Variants in TBC1D22A observed in about 807,000 individuals in gnomAD.
The protein encoded by TBC1D22A is TBC1 domain family member 22A.
Under a neutral mutation model 60.2 loss-of-function variants are expected in TBC1D22A, and 38 were observed. That is an observed-to-expected ratio of 0.63 (90% confidence interval 0.49 to 0.83). TBC1D22A has a LOEUF of 0.83. TBC1D22A is among the 40% of genes least tolerant of loss of function. The pLI is 0.00. For synonymous variants in TBC1D22A, 302 were observed against 281.7 expected, an observed-to-expected ratio of 1.07 and a Z score of -0.72; for missense variants, 628 against 701.0, an observed-to-expected ratio of 0.90 and a Z score of 1.18.
intron 1 of TBC1D22A, among the ~76,000 whole-genome samples, chr22:46,776,607 G>A (rs962006162): frequency 1.3e-5 from 2 of 152,020 alleles, no homozygotes; most frequent in African/African-American, 4.8e-5. Flanking sequence ...CAGAGACAGA[G>A]GCTCAGGTCA....
chr22:46,904,133 A>ATCTC (rs2069236703), intron 7 of TBC1D22A, among the ~76,000 whole-genome samples: 1 of 73,510 alleles, frequency 1.4e-5, no homozygotes, highest in African/African-American at 4.9e-5. Context: ...CTATCTATCT[A>ATCTC]TCTATCTATC....
At chr22:46,804,441 T>C (rs2085041493) in intron 4 of TBC1D22A, among the ~76,000 whole-genome samples, 1 of 152,234 alleles carries the variant, frequency 6.6e-6, no homozygotes, top group Non-Finnish European at 1.5e-5. Context: ...TCCCTCTTAA[T>C]CAGTTCTTAC....
intron 9 of TBC1D22A, among the ~76,000 whole-genome samples, chr22:46,994,212 G>T (rs2075043774): frequency 6.6e-6 from 1 of 152,152 alleles, no homozygotes; most frequent in South Asian, 2.1e-4. Context: ...CCAGATGGAG[G>T]CAAAGAATAA....
Position 47,016,922 on chromosome 22 carries a change from GCT to G in TBC1D22A, c.1201+19217_1201+19218del, listed in dbSNP as rs747665766. On this transcript the variant is annotated intron_variant, in intron 10 of 12. Coordinates refer to ENST00000337137, the MANE Select transcript of TBC1D22A (RefSeq NM_014346.5). ...TCTGGGGCCCGGCGAGCCTCCCACT[GCT>G]CTCAGGTTTGACGCACCTGTCCCAG... Among the ~76,000 whole-genome samples, 156 of 152,356 alleles carry G rather than the reference GCT, an allele frequency of 1.0e-3. 1 individual carries two copies. In the Middle Eastern group the frequency reaches 0.014, roughly 13 times the overall value.
At chr22:46,963,751 C>T (rs920648667) in intron 8 of TBC1D22A, among the ~76,000 whole-genome samples, 23 of 152,216 alleles carry the variant, frequency 1.5e-4, no homozygotes, top group Non-Finnish European at 2.9e-4. Flanking sequence ...GGCCGTGCAC[C>T]TCCCCTCCCG....
rs941033524 is a variant in TBC1D22A, at chr22:47,125,486, T to G, written c.1425+13883T>G. 5.9e-5 allele frequency among the ~76,000 whole-genome samples: 9 copies of G among 152,332 alleles called. 1 individual carries two copies. The highest frequency in any genetic ancestry group is 2.0e-4 in the Admixed American group (3 of 15,300). ...TAAATTATACCCCTCATTATGATAA[T>G]GCAGTAGAATTGGAAGGTTCAAATC... On this transcript the variant is annotated intron_variant, in intron 12 of 12. Coordinates refer to ENST00000337137, the MANE Select transcript of TBC1D22A (RefSeq NM_014346.5).
intron 4 of TBC1D22A, among the ~76,000 whole-genome samples, chr22:46,851,056 T>C (rs1361229730): frequency 1.3e-5 from 2 of 152,046 alleles, no homozygotes; most frequent in Non-Finnish European, 2.9e-5. Flanking sequence ...TATGGGGTGA[T>C]GGAAATGTCG....
At chr22:47,117,055 TGGGGAGCGAGGC>T (rs1479772946) in intron 12 of TBC1D22A, 2 of 153,488 alleles carry the variant, frequency 1.3e-5, no homozygotes, top group Non-Finnish European at 2.9e-5. Context: ...GGGAGCCAGT[TGGGGAGCGAGGC>T]AAAGAGAGGA....
intron 4 of TBC1D22A, among the ~76,000 whole-genome samples, chr22:46,846,468 A>T (rs1456142104): frequency 6.6e-6 from 1 of 152,202 alleles, no homozygotes; most frequent in Non-Finnish European, 1.5e-5. Flanking sequence ...CTTCTTTTCC[A>T]GAAGAGGGAA....
chr22:46,984,622 C>T (rs1053685856), intron 9 of TBC1D22A, among the ~76,000 whole-genome samples: 2 of 152,164 alleles, frequency 1.3e-5, no homozygotes, highest in African/African-American at 4.8e-5. Flanking sequence ...AGAAAAGAAC[C>T]ATTGCCTTTT....
intron 12 of TBC1D22A, among the ~76,000 whole-genome samples, chr22:47,124,160 C>T (rs981345329): frequency 6.6e-6 from 1 of 152,128 alleles, no homozygotes; most frequent in African/African-American, 2.4e-5. Flanking sequence ...CACGCCTGAG[C>T]TGAGCATTTG....
At chr22:46,983,442 A>C (rs1485083640) in intron 9 of TBC1D22A, among the ~76,000 whole-genome samples, 2 of 152,204 alleles carry the variant, frequency 1.3e-5, no homozygotes, top group African/African-American at 4.8e-5. Flanking sequence ...ATTTGGAGAA[A>C]TAATTTCTTT....
intron 12 of TBC1D22A, among the ~76,000 whole-genome samples, chr22:47,117,689 G>A (rs1383602375): frequency 1.3e-5 from 2 of 152,318 alleles, no homozygotes; most frequent in Middle Eastern, 3.4e-3. Context: ...CAGCTTCGTC[G>A]GAAACCTCCT....
intron 11 of TBC1D22A, among the ~76,000 whole-genome samples, chr22:47,058,440 C>T (rs996278241): frequency 5.9e-5 from 9 of 152,164 alleles, no homozygotes; most frequent in Admixed American, 5.2e-4. Context: ...GCCCCACCGT[C>T]CTTCCTCTTC....
At chr22:46,900,446 G>A (rs778170151) in intron 7 of TBC1D22A, among the ~76,000 whole-genome samples, 29 of 152,264 alleles carry the variant, frequency 1.9e-4, no homozygotes, top group Middle Eastern at 3.4e-3. Flanking sequence ...AACTGTGCCC[G>A]GCTTGACAGC....
chr22:47,062,603 C>T (rs131928), intron 11 of TBC1D22A, among the ~76,000 whole-genome samples: 40,265 of 151,846 alleles, frequency 0.27, 5,940 homozygotes, highest in East Asian at 0.57. Flanking sequence ...ATTCCTGTCA[C>T]GACATAAAAT....
At chr22:47,156,527 T>C (rs2067725969) in intron 12 of TBC1D22A, among the ~76,000 whole-genome samples, 1 of 152,106 alleles carries the variant, frequency 6.6e-6, no homozygotes, top group Admixed American at 6.5e-5. Flanking sequence ...GATCGATGCC[T>C]AGCTTGAGGC....
At chr22:46,992,673 C>T (rs1320354713) in intron 9 of TBC1D22A, among the ~76,000 whole-genome samples, 6 of 152,212 alleles carry the variant, frequency 3.9e-5, no homozygotes, top group Non-Finnish European at 7.3e-5. Flanking sequence ...GATGAAAGAA[C>T]TAGTATCTGA....
chr22:46,843,240 G>A (rs1045423063), intron 4 of TBC1D22A, among the ~76,000 whole-genome samples: 7 of 152,058 alleles, frequency 4.6e-5, no homozygotes, highest in African/African-American at 1.7e-4. Flanking sequence ...ACGAGCATTC[G>A]GTGTACTAAT....
Sources: allele counts gnomAD v4.1 joint callset (sites outside exome capture counted in the v4.1 genomes callset), GRCh38; gene constraint gnomAD v4.1.1; transcripts MANE v1.5; gene names NCBI Gene and HGNC (gene_info 2026-07-23, HGNC 2026-07-21).